The following SPATA6L variants were observed in gnomAD, a reference collection of about 807,000 sequenced individuals.
SPATA6L encodes spermatogenesis associated 6 like.
A neutral mutation model predicts 49.2 loss-of-function variants in SPATA6L; 68 were observed. The observed-to-expected ratio is 1.38, with a 90% confidence interval of 1.14 to 1.69. The LOEUF is 1.69. Ranked by LOEUF, SPATA6L falls within the 40% of genes most tolerant of loss-of-function variation. The pLI is 0.00. For synonymous variants in SPATA6L, 198 were observed against 165.7 expected (o/e 1.19, Z -1.50); for missense variants, 668 against 464.3 (o/e 1.44, Z -4.03).
rs1017693697 is a variant in SPATA6L at position 4,662,107 on chromosome 9, T to C, written c.40-71A>G. 16 of 1,568,936 alleles carry C rather than the reference T, an allele frequency of 1.0e-5. No homozygotes were observed. Among genetic ancestry groups the C allele is most frequent in the Admixed American group, 1.9e-5 (1 of 53,912 alleles). ...TGCTTTGTTTTGTTACACGGGGCTC[T>C]ATTTCTCTTAAGCTCCTACAGACAC... is the stretch of plus-strand genomic sequence containing the variant. On this transcript the variant is annotated intron_variant, in intron 1 of 11. Transcript: ENST00000682582. The surrounding 1 kb of genome is among the most constrained non-coding windows in gnomAD (Gnocchi z 4.9).
intron 6 of SPATA6L, among the ~76,000 whole-genome samples, chr9:4,622,852 T>C (rs539658713): frequency 6.6e-6 from 1 of 152,346 alleles, no homozygotes; most frequent in East Asian, 1.9e-4. Context: ...GGACAACGTT[T>C]CACATTCCTG....
intron 3 of SPATA6L, among the ~76,000 whole-genome samples, chr9:4,652,146 C>T (rs1398227961): frequency 6.6e-6 from 1 of 152,112 alleles, no homozygotes; most frequent in African/African-American, 2.4e-5. Context: ...GTGGGCCAGG[C>T]GCGGTGGCTA....
rs16921705 is a variant in SPATA6L at position 4,642,582 on chromosome 9, G to C, written c.227-7183C>G. ...TTCACTGCACTTCACTTGGGCCCTT[G>C]ACCTGCTCCAGTGATATCCACAGCA... On this transcript the variant is annotated intron_variant, in intron 3 of 11. Coordinates refer to ENST00000682582, the MANE Select transcript of SPATA6L (RefSeq NM_001353486.2). 4.8e-3 allele frequency among the ~76,000 whole-genome samples: 726 copies of C among 152,258 alleles called. 5 individuals are homozygous for C. Among genetic ancestry groups the C allele is most frequent in the African/African-American group, 0.017 (693 of 41,540 alleles).
rs563683771 is a variant in SPATA6L at position 4,599,124 on chromosome 9, G to C, written c.*1687C>G. On this transcript the variant is annotated 3_prime_UTR_variant, in exon 12 of 12. Transcript: ENST00000682582. ...GTAGCCTGAAGGTAATTTTATACAT[G>C]ATTTTAAATAATTTGGAGCATGAAA... Among the ~76,000 whole-genome samples the C allele has an allele frequency of 5.9e-5, 9 of 152,310 alleles. No homozygotes were observed. Among genetic ancestry groups the C allele is most frequent in the East Asian group, 3.9e-4 (2 of 5,182 alleles).
chr9:4,604,508 A>G (rs1001192934), intron 10 of SPATA6L, among the ~76,000 whole-genome samples: 1 of 152,108 alleles, frequency 6.6e-6, no homozygotes, highest in African/African-American at 2.4e-5. Context: ...TCAGCCTCCC[A>G]AAGTACTAGG....
intron 3 of SPATA6L, among the ~76,000 whole-genome samples, chr9:4,635,891 G>C (rs1343158882): frequency 1.3e-5 from 2 of 152,174 alleles, no homozygotes; most frequent in African/African-American, 4.8e-5. Context: ...TTGGACATTT[G>C]TGGAAATATT....
chr9:4,601,388 T>G (rs562526969), intron 11 of SPATA6L, among the ~76,000 whole-genome samples: 1 of 152,078 alleles, frequency 6.6e-6, no homozygotes, highest in African/African-American at 2.4e-5. Context: ...TTGTTTGGTT[T>G]TTTGGATGTT....
chr9:4,644,607 C>T (rs1319022599), intron 3 of SPATA6L, among the ~76,000 whole-genome samples: 2 of 150,700 alleles, frequency 1.3e-5, no homozygotes, highest in Non-Finnish European at 3.0e-5. Flanking sequence ...AGAAAAAAAG[C>T]AGAAATGCGT....
Position 4,666,272 on chromosome 9 carries a change from G to A in SPATA6L, c.-22C>T. 6.2e-7 allele frequency: 1 copy of A among 1,614,014 alleles called. No homozygotes were observed. Among genetic ancestry groups the A allele is most frequent in the Admixed American group, 1.7e-5 (1 of 60,018 alleles). On this transcript the variant is annotated 5_prime_UTR_variant, in exon 1 of 12. Transcript: ENST00000682582. ...GCATCGTTCCCTGCGTGGGCGAAAG[G>A]ACTGGAATGAGAAGATCCTTTTGTG...
At chr9:4,606,054 G>GAC (rs1564122319) in intron 9 of SPATA6L, among the ~76,000 whole-genome samples, 16 of 152,024 alleles carry the variant, frequency 1.1e-4, no homozygotes, top group African/African-American at 3.9e-4. Flanking sequence ...GGTGACAGAT[G>GAC]GCACCTGGAA....
chr9:4,602,775 G>A (rs998895196), intron 11 of SPATA6L, among the ~76,000 whole-genome samples: 16 of 152,134 alleles, frequency 1.1e-4, no homozygotes, highest in African/African-American at 3.6e-4. Context: ...AGAATGTAGT[G>A]GTTAAGAGAA....
rs188423611 is a variant in SPATA6L at position 4,627,699 on chromosome 9, A to G, written c.429+1392T>C. 120 of 1,281,084 alleles carry G rather than the reference A, an allele frequency of 9.4e-5. No homozygotes were observed. In the East Asian group the frequency reaches 6.5e-3, roughly 69 times the overall value. The allele number at this position is 1,281,084 out of a possible 1,614,324, so 79.4% of individuals were successfully genotyped here. A position where few individuals can be genotyped will look rare whatever the true frequency, so the allele number is the denominator to read the frequency against. ...GGGAGGCAGACACTAGGACTGAAGAAGCAAGTAAAATTGAGGTAGTACACA... is the reference window on the plus strand; with the variant it reads ...GGGAGGCAGACACTAGGACTGAAGAGGCAAGTAAAATTGAGGTAGTACACA... On this transcript the variant is annotated intron_variant, in intron 5 of 11. Transcript: ENST00000682582.
chr9:4,663,512 A>T (rs1840362038), intron 1 of SPATA6L: 1 of 451,022 alleles, frequency 2.2e-6, no homozygotes, highest in Admixed American at 3.9e-5. Context: ...ACAACTGTTT[A>T]TGTTTCCAGG....
chr9:4,639,465 A>G (rs143861183), intron 3 of SPATA6L, among the ~76,000 whole-genome samples: 1 of 152,336 alleles, frequency 6.6e-6, no homozygotes, highest in East Asian at 1.9e-4. Context: ...ATAGACTGAA[A>G]CAGGGTTAGA....
At chr9:4,661,681 C>T (rs1368331794) in intron 2 of SPATA6L, among the ~76,000 whole-genome samples, 2 of 152,018 alleles carry the variant, frequency 1.3e-5, no homozygotes, top group African/African-American at 2.4e-5. Flanking sequence ...GAATAGGAAA[C>T]ATCAACCAGG....
At chr9:4,637,071 C>G (rs1001781946) in intron 3 of SPATA6L, among the ~76,000 whole-genome samples, 1 of 152,158 alleles carries the variant, frequency 6.6e-6, no homozygotes, top group Non-Finnish European at 1.5e-5. Flanking sequence ...AATCTAAGCA[C>G]CCTACCCTAG....
chr9:4,616,862 G>A (rs148942029), intron 9 of SPATA6L, among the ~76,000 whole-genome samples: 2 of 152,124 alleles, frequency 1.3e-5, no homozygotes, highest in Admixed American at 6.5e-5. Flanking sequence ...TGGGATTATA[G>A]GCATGAGCCA....
intron 6 of SPATA6L, 118 bp from the exon 7 acceptor site, chr9:4,622,628 G>T: frequency 3.0e-6 from 2 of 676,132 alleles, no homozygotes; most frequent in Non-Finnish European, 5.0e-6. Flanking sequence ...GAAAAAGAAG[G>T]CTGGAAAACC....
chr9:4,597,974 C>A (rs1237205957), downstream of SPATA6L, among the ~76,000 whole-genome samples: 1 of 152,196 alleles, frequency 6.6e-6, no homozygotes, highest in East Asian at 1.9e-4. Context: ...GGGCTGAACT[C>A]ACACACATAC....
Sources: gnomAD v4.1 joint callset for allele counts (sites outside exome capture counted in the v4.1 genomes callset) on GRCh38, gnomAD v4.1.1 for gene constraint, Gnocchi (gnomAD v3.1) non-coding constraint, MANE v1.5 for transcripts, NCBI Gene and HGNC (gene_info 2026-07-23, HGNC 2026-07-21) for gene names.